OTUD7A: variants seen among roughly 807,000 people sequenced by gnomAD.
The protein encoded by OTUD7A is OTU deubiquitinase 7A.
A neutral mutation model predicts 65.7 loss-of-function variants in OTUD7A; 12 were observed. The observed-to-expected ratio is 0.18, with a 90% confidence interval of 0.12 to 0.30. The LOEUF is 0.30. Among genes scored for constraint, OTUD7A ranks in the 10% least tolerant of loss-of-function variants. The probability of loss-of-function intolerance (pLI) is 1.00; values close to 1 mark genes in which losing one functional copy is unlikely to be tolerated. For synonymous variants in OTUD7A, 641 were observed against 586.3 expected, an observed-to-expected ratio of 1.09 and a Z score of -1.35; for missense variants, 1,148 against 1,304.8, an observed-to-expected ratio of 0.88 and a Z score of 1.85.
In OTUD7A at chr15:31,743,351, AATAACTC is replaced by A. The variant is rs1354734823; in HGVS notation, c.-99-86281_-99-86275del. ...TTGGATACTAAATAACATGCATGTAAATAACTCATGAGAGAAAGGAAAAACACAAGGG... is the reference window on the plus strand; with the variant it reads ...TTGGATACTAAATAACATGCATGTAAATGAGAGAAAGGAAAAACACAAGGG... On this transcript the variant is annotated intron_variant, in intron 1 of 12. Coordinates refer to ENST00000307050, the MANE Select transcript of OTUD7A (RefSeq NM_001382637.1). Among the ~76,000 whole-genome samples, 9 of 152,316 alleles carry A rather than the reference AATAACTC, an allele frequency of 5.9e-5. No homozygotes were observed. The East Asian group carries it at 1.7e-3, about 29-fold the overall frequency.
At chr15:31,760,920 G>T (rs535130536) in intron 1 of OTUD7A, among the ~76,000 whole-genome samples, 15 of 151,812 alleles carry the variant, frequency 9.9e-5, no homozygotes, top group Middle Eastern at 3.4e-3. Context: ...GTTTTTTTGG[G>T]TTTTTTTGTT....
intron 2 of OTUD7A, among the ~76,000 whole-genome samples, chr15:31,655,500 T>C (rs2141278342): frequency 6.6e-6 from 1 of 151,026 alleles, no homozygotes; most frequent in East Asian, 1.9e-4. Flanking sequence ...GAGCCAAATG[T>C]TTGTGTTCCC....
At chr15:31,619,386 T>C (rs566306113) in intron 3 of OTUD7A, among the ~76,000 whole-genome samples, 1 of 152,338 alleles carries the variant, frequency 6.6e-6, no homozygotes, top group South Asian at 2.1e-4. Flanking sequence ...TTTGACGATA[T>C]TGATTCTTCC....
At chr15:31,837,304 G>A (rs1316816596) in intron 1 of OTUD7A, among the ~76,000 whole-genome samples, 1 of 151,198 alleles carries the variant, frequency 6.6e-6, no homozygotes, top group Admixed American at 6.6e-5. Context: ...TGAGGTGGGT[G>A]GATCATGAGG....
At position 31,484,322 on chromosome 15, in the gene OTUD7A, C is replaced by T. The variant is rs867094201; in HGVS notation, c.1774G>A (p.Glu592Lys). The change falls in exon 13 of 13, where the codon GAA (glutamate) becomes AAA (lysine). Residue 592 changes from glutamate to lysine, a missense_variant. By Grantham distance (56) the Glu-to-Lys change is moderately conservative. Around this residue, in one of 6 missense-constraint regions of OTUD7A, gnomAD observed 842 missense variants for 769.5 expected, o/e 1.09. Coordinates refer to ENST00000307050, the MANE Select transcript of OTUD7A (RefSeq NM_001382637.1). This position sits in a 1 kb window ranked among gnomAD's most constrained non-coding sequence, Gnocchi z 4.5. ...TCTGTGGGCGACGGCGTGGTCTTTT[C>T]CGACGGCGACGTGCTGGCCGACGCA... Reference protein sequence around the residue: ...SGASASTSPSEKTTPSPTDKA... With the variant: ...SGASASTSPSKKTTPSPTDKA... 42 of 1,598,132 alleles carry T rather than the reference C, an allele frequency of 2.6e-5. No homozygotes were observed. The Admixed American group carries it at 7.1e-4, about 27-fold the overall frequency.
intron 1 of OTUD7A, among the ~76,000 whole-genome samples, chr15:31,815,813 T>G (rs1253890171): frequency 6.6e-6 from 1 of 152,216 alleles, no homozygotes; most frequent in Non-Finnish European, 1.5e-5. Context: ...GTAACAATAA[T>G]GAATAGAAAA....
chr15:31,639,220 C>G (rs34203834), intron 3 of OTUD7A, among the ~76,000 whole-genome samples: 42,917 of 151,868 alleles, frequency 0.28, 7,073 homozygotes, highest in African/African-American at 0.46. Context: ...CTATAGATCA[C>G]TATGCATTTC....
In OTUD7A at chr15:31,513,713, G is replaced by T. The variant is rs527791348; in HGVS notation, c.894-9895C>A. Among the ~76,000 whole-genome samples the T allele has an allele frequency of 1.3e-4, 20 of 152,230 alleles. No individual in the cohort carries two copies. The South Asian group carries it at 1.5e-3, about 11-fold the overall frequency. On this transcript the variant is annotated intron_variant, in intron 8 of 12. Transcript: ENST00000307050. ...TGCAGATTGTCCCATCACTGGTGAG[G>T]TTGTCCCATCACTGGTGAGGTTGAC...
chr15:31,734,569 G>A (rs976293347), intron 1 of OTUD7A, among the ~76,000 whole-genome samples: 8 of 152,150 alleles, frequency 5.3e-5, no homozygotes, highest in African/African-American at 1.9e-4. Flanking sequence ...GTAGACCAAT[G>A]GTACACAATA....
chr15:31,586,103 A>C (rs1320956185), intron 3 of OTUD7A, among the ~76,000 whole-genome samples: 1 of 152,158 alleles, frequency 6.6e-6, no homozygotes, highest in Non-Finnish European at 1.5e-5. Context: ...GCCAGTTACG[A>C]TTACTATTAA....
chr15:31,583,385 C>G (rs561691073), intron 3 of OTUD7A, among the ~76,000 whole-genome samples: 2 of 152,294 alleles, frequency 1.3e-5, no homozygotes, highest in East Asian at 3.9e-4. Flanking sequence ...TTTGTAAATC[C>G]AGGCCACTGA....
intron 3 of OTUD7A, among the ~76,000 whole-genome samples, chr15:31,575,584 T>C (rs180761788): frequency 6.6e-6 from 1 of 152,316 alleles, no homozygotes; most frequent in Admixed American, 6.5e-5. Flanking sequence ...CCACCATGGG[T>C]TGACTGAACT....
At chr15:31,799,079 C>G (rs1346382923) in intron 1 of OTUD7A, among the ~76,000 whole-genome samples, 2 of 152,170 alleles carry the variant, frequency 1.3e-5, no homozygotes, top group African/African-American at 4.8e-5. Context: ...GAGCAAATAG[C>G]AAGTGTACAT....
rs1443500413 is a variant in OTUD7A at position 31,766,283 on chromosome 15, CA to C, written c.-100+104223del. ...CACCCATTGCATCATGAAGTTTGGG[CA>C]TATCAACATTTTGACTCATTCGGGA... On this transcript the variant is annotated intron_variant, in intron 1 of 12. Coordinates refer to ENST00000307050, the MANE Select transcript of OTUD7A (RefSeq NM_001382637.1). The C allele has an allele frequency of 1.8e-4, 286 of 1,603,142 alleles. 1 individual carries two copies. The highest frequency in any genetic ancestry group is 3.2e-5 in the Non-Finnish European group (38 of 1,170,878).
chr15:31,559,308 C>G, intron 4 of OTUD7A, 121 bp from the exon 5 acceptor site: 2 of 910,916 alleles, frequency 2.2e-6, no homozygotes, highest in South Asian at 3.3e-5. Flanking sequence ...TTCATGCACA[C>G]AGACCACACA....
At chr15:31,536,949 A>C (rs1291648087) in intron 5 of OTUD7A, among the ~76,000 whole-genome samples, 1 of 152,216 alleles carries the variant, frequency 6.6e-6, no homozygotes, top group East Asian at 1.9e-4. Flanking sequence ...ACTTAACAAA[A>C]ATGTATTGTA....
In OTUD7A at chr15:31,786,732, T is replaced by C. The variant is rs149247588; in HGVS notation, c.-100+83775A>G. ...TTCCAGCAAGCAGGTATAGTTGCCT[T>C]GATCTGGGAAAGGGAGGTGTAAGCA... On this transcript the variant is annotated intron_variant, in intron 1 of 12. Transcript: ENST00000307050. Among the ~76,000 whole-genome samples the C allele has an allele frequency of 5.0e-3, 767 of 152,224 alleles. 6 individuals carry two copies. Among genetic ancestry groups the C allele is most frequent in the African/African-American group, 0.016 (680 of 41,518 alleles).
intron 1 of OTUD7A, among the ~76,000 whole-genome samples, chr15:31,823,105 C>CA (rs1027371565): frequency 7.2e-5 from 11 of 152,258 alleles, no homozygotes; most frequent in Middle Eastern, 3.4e-3. Context: ...GTTTCAAAGA[C>CA]AAAAAATACC....
At position 31,672,616 on chromosome 15, in the gene OTUD7A, T is replaced by C. The variant is rs146536144; in HGVS notation, c.-99-15539A>G. On this transcript the variant is annotated intron_variant, in intron 1 of 12. Coordinates refer to ENST00000307050, the MANE Select transcript of OTUD7A (RefSeq NM_001382637.1). ...CAGTGGCAGAGTAAGGATTCCCACATAGACTCACTTTGATCCAAAAGTCAC... is the reference window on the plus strand; with the variant it reads ...CAGTGGCAGAGTAAGGATTCCCACACAGACTCACTTTGATCCAAAAGTCAC... Among the ~76,000 whole-genome samples the C allele has an allele frequency of 2.0e-3, 307 of 152,306 alleles. 1 individual carries two copies. The highest frequency in any genetic ancestry group is 7.1e-3 in the African/African-American group (296 of 41,556).
Sources: allele counts gnomAD v4.1 joint callset (sites outside exome capture counted in the v4.1 genomes callset), GRCh38; gene constraint gnomAD v4.1.1; regional missense constraint gnomAD v4.1.1; non-coding constraint Gnocchi (gnomAD v3.1); transcripts MANE v1.5; gene names NCBI Gene and HGNC (gene_info 2026-07-23, HGNC 2026-07-21).